ARNT: variants seen among roughly 807,000 people sequenced by gnomAD.
The protein encoded by ARNT is class E basic helix-loop-helix protein 2.
ARNT carries 30 observed loss-of-function variants against 105.0 expected under a neutral mutation model. The observed-to-expected ratio is 0.29, with a 90% CI of 0.21 to 0.39. The LOEUF (loss-of-function observed/expected upper bound fraction) is 0.39, where lower values mean the gene tolerates loss of function less well. Among genes scored for constraint, ARNT ranks in the 10% least tolerant of loss-of-function variants. The probability of loss-of-function intolerance (pLI) is 1.00; values close to 1 mark genes in which losing one functional copy is unlikely to be tolerated. For missense variants in ARNT, 748 were observed against 978.7 expected, an observed-to-expected ratio of 0.76 and a Z score of 3.15; for synonymous variants, 304 against 344.0, an observed-to-expected ratio of 0.88 and a Z score of 1.29.
At chr1:150,828,350 GTTT>G (rs10531895) in intron 12 of ARNT, among the ~76,000 whole-genome samples, 125 of 115,562 alleles carry the variant, frequency 1.1e-3, no homozygotes, top group Non-Finnish European at 1.6e-3. Flanking sequence ...TTTTTTTTTT[GTTT>G]TTTTTTTTTT....
intron 21 of ARNT, 116 bp downstream of exon 21, chr1:150,813,056 C>T: frequency 8.4e-7 from 1 of 1,187,076 alleles, no homozygotes; most frequent in Non-Finnish European, 1.2e-6. Flanking sequence ...TCTGTCTTCT[C>T]ACATATACCC....
rs1289165727 is a variant in ARNT, at chr1:150,810,994, G to A, written c.*1027C>T. ...ATTTTCACTGGGACGGCTAATCCAA[G>A]AAGTTGAGTTTCCATGCAGAAATAA... On this transcript the variant is annotated 3_prime_UTR_variant, in exon 22 of 22. Coordinates refer to ENST00000358595, the MANE Select transcript of ARNT (RefSeq NM_001668.4). The A allele has an allele frequency of 4.3e-6, 1 of 230,496 alleles. No individual in the cohort carries two copies. Among genetic ancestry groups the A allele is most frequent in the East Asian group, 6.1e-5 (1 of 16,298 alleles). 14.3% of individuals were successfully genotyped at this position (230,496 alleles called of 1,614,324 possible).
chr1:150,816,775 A>G lies in ARNT; in HGVS notation c.1802+13T>C. ...CAGGGCCCTGTAAAGCAGCACATAT[A>G]TACGGGGCTCACCTGAAATTCTCTG... On this transcript the variant is annotated intron_variant, in intron 18 of 21. Transcript: ENST00000358595. 1 of 1,573,508 alleles carries G rather than the reference A, an allele frequency of 6.4e-7. No individual in the cohort carries two copies. Among genetic ancestry groups the G allele is most frequent in the Non-Finnish European group, 8.6e-7 (1 of 1,168,212 alleles).
chr1:150,814,302 G>A, intron 19 of ARNT, 63 bp from the exon 20 acceptor site: 1 of 1,502,326 alleles, frequency 6.7e-7, no homozygotes, highest in East Asian at 2.3e-5. Context: ...CACATACCAT[G>A]CCTATGAGAG....
chr1:150,832,434 G>A, intron 8 of ARNT, 35 bp from the exon 9 acceptor site: 2 of 1,604,172 alleles, frequency 1.2e-6, no homozygotes, highest in Non-Finnish European at 1.7e-6. Context: ...AAAGCAATCA[G>A]ACTGCCCTAT....
At chr1:150,842,180 G>GA (rs113429332) in intron 5 of ARNT, 2,027 of 795,350 alleles carry the variant, frequency 2.5e-3, no homozygotes, top group Middle Eastern at 3.1e-3. Flanking sequence ...AAGAGAAAAA[G>GA]AAAAAAAAAC....
At position 150,832,421 on chromosome 1, in the gene ARNT, T is replaced by C. The variant is rs1422088821; in HGVS notation, c.804-22A>G. ...ACACCTGTTTCAAGGAATAAAGAGA[T>C]TAAAAGCAATCAGACTGCCCTATCA... On this transcript the variant is annotated intron_variant, in intron 8 of 21. Coordinates refer to ENST00000358595, the MANE Select transcript of ARNT (RefSeq NM_001668.4). 3 of 1,613,078 alleles carry C rather than the reference T, an allele frequency of 1.9e-6. No individual in the cohort carries two copies. In the African/African-American group the frequency reaches 4.0e-5, roughly 22 times the overall value.
At chr1:150,836,040 A>G (rs1392801600) in intron 7 of ARNT, among the ~76,000 whole-genome samples, 3 of 152,184 alleles carry the variant, frequency 2.0e-5, no homozygotes, top group Non-Finnish European at 4.4e-5. Context: ...TTACTGTTCT[A>G]TTTATACCAA....
At chr1:150,865,594 C>G (rs587759852) in intron 1 of ARNT, among the ~76,000 whole-genome samples, 1 of 152,232 alleles carries the variant, frequency 6.6e-6, no homozygotes, top group Admixed American at 6.5e-5. Flanking sequence ...CTAACCAAGG[C>G]AACTACCCCT....
intron 1 of ARNT, 28 bp downstream of exon 1, chr1:150,876,515 G>T (rs1181567186): frequency 6.5e-7 from 1 of 1,549,822 alleles, no homozygotes; most frequent in African/African-American, 1.4e-5. Context: ...CTCCCCTTTA[G>T]AGGCGCCCCA....
chr1:150,848,020 G>A (rs1662570008), intron 3 of ARNT, among the ~76,000 whole-genome samples: 1 of 152,020 alleles, frequency 6.6e-6, no homozygotes, highest in African/African-American at 2.4e-5. Context: ...CTAAAAAATG[G>A]CAAGCAATTT....
intron 3 of ARNT, among the ~76,000 whole-genome samples, chr1:150,850,587 A>G (rs1663168708): frequency 6.6e-6 from 1 of 152,122 alleles, no homozygotes; most frequent in African/African-American, 2.4e-5. Context: ...CTCAGTGCTC[A>G]ATGTTGCCCA....
At chr1:150,830,172 C>A in intron 10 of ARNT, 192 bp from the exon 11 acceptor site, 1 of 540,884 alleles carries the variant, frequency 1.8e-6, no homozygotes, top group Non-Finnish European at 3.3e-6. Context: ...ACAGTGAAAC[C>A]CCATCTCTAC....
chr1:150,826,926 T>G (rs1286362161), intron 12 of ARNT, among the ~76,000 whole-genome samples: 3 of 151,998 alleles, frequency 2.0e-5, no homozygotes, highest in African/African-American at 7.2e-5. Context: ...GGATTACAGG[T>G]GTGAGCCACC....
chr1:150,833,689 CCAT>C (rs944861281), intron 8 of ARNT, among the ~76,000 whole-genome samples: 1 of 151,532 alleles, frequency 6.6e-6, no homozygotes, highest in African/African-American at 2.4e-5. Flanking sequence ...GAAAGGACCA[CCAT>C]ATTTTCTACA....
intron 11 of ARNT, 59 bp from the exon 12 acceptor site, chr1:150,829,286 C>T: frequency 6.5e-7 from 1 of 1,542,044 alleles, no homozygotes; most frequent in South Asian, 1.2e-5. Flanking sequence ...GATGTATTTC[C>T]TATCTCCTCA....
rs769452519 is a variant in ARNT, at chr1:150,816,779, G to T, written c.1802+9C>A. 1.3e-6 allele frequency: 2 copies of T among 1,574,230 alleles called. No homozygotes were observed. The highest frequency in any genetic ancestry group is 3.4e-4 in the Middle Eastern group (2 of 5,886). Reference sequence around the variant, plus strand: ...GCCCTGTAAAGCAGCACATATATACGGGGCTCACCTGAAATTCTCTGCCGG... The same window carrying T: ...GCCCTGTAAAGCAGCACATATATACTGGGCTCACCTGAAATTCTCTGCCGG... On this transcript the variant is annotated intron_variant, in intron 18 of 21. Transcript: ENST00000358595.
At chr1:150,850,071 T>C (rs1663036603) in intron 3 of ARNT, among the ~76,000 whole-genome samples, 1 of 151,820 alleles carries the variant, frequency 6.6e-6, no homozygotes, top group Non-Finnish European at 1.5e-5. Flanking sequence ...AACAAATAAA[T>C]AGTCCATTTT....
intron 3 of ARNT, among the ~76,000 whole-genome samples, chr1:150,851,810 C>A (rs1663630009): frequency 6.6e-6 from 1 of 152,032 alleles, no homozygotes; most frequent in Non-Finnish European, 1.5e-5. Flanking sequence ...TGTCCTATGA[C>A]CCTGCCAAAT....
Sources: allele counts gnomAD v4.1 joint callset (sites outside exome capture counted in the v4.1 genomes callset), GRCh38; gene constraint gnomAD v4.1.1; transcripts MANE v1.5; gene names NCBI Gene and HGNC (gene_info 2026-07-23, HGNC 2026-07-21).